LARP7: variants seen among roughly 807,000 people sequenced by gnomAD.
The protein encoded by LARP7 is la-related protein 7.
LARP7 carries 52 observed loss-of-function variants against 69.3 expected under a neutral mutation model. The ratio of observed to expected loss-of-function variants is 0.75; its 90% CI spans 0.60 to 0.95. The LOEUF (loss-of-function observed/expected upper bound fraction) is 0.95. Ranked by LOEUF, LARP7 falls within the 40% of genes least tolerant of loss-of-function variation. The pLI is 0.00. For missense variants in LARP7, 733 were observed against 673.0 expected, an observed-to-expected ratio of 1.09 and a Z score of -0.99; for synonymous variants, 254 against 215.9, an observed-to-expected ratio of 1.18 and a Z score of -1.55.
intron 8 of LARP7, chr4:112,648,566 C>T (rs1280208619): frequency 1.9e-6 from 1 of 518,480 alleles, no homozygotes; most frequent in Non-Finnish European, 4.0e-6. Flanking sequence ...GCCCACCCAA[C>T]ATACAACTTC....
intron 7 of LARP7, 38 bp downstream of exon 7, chr4:112,647,587 A>ATTTTAATTAATTAGT (rs70958470): frequency 0.094 from 133,312 of 1,411,924 alleles, 8,101 homozygotes; most frequent in Middle Eastern, 0.12. Flanking sequence ...AAACTAATTA[A>ATTTTAATTAATTAGT]TTTTAATTAA....
rs144267849 is a variant in LARP7 at position 112,650,566 on chromosome 4, G to C, written c.1400G>C (p.Gly467Ala). The change falls in exon 10 of 13, where the codon GGC becomes GCC. Residue 467 changes from glycine (G) to alanine (A), a missense_variant. Physicochemically the swap from Gly to Ala is moderately conservative, Grantham distance 60. Transcript: ENST00000344442. Reference protein sequence around the residue: ...VKIISTEPLPGRKQVRDTLAA... With the variant: ...VKIISTEPLPARKQVRDTLAA... The stretch of plus-strand genomic sequence containing the variant: ...ATCATTAGCACAGAGCCTCTACCTG[G>C]CAGGAAACAAGTCCGGGTAATGATT... The C allele has an allele frequency of 6.2e-7, 1 of 1,613,268 alleles. No homozygotes were observed. The highest frequency in any genetic ancestry group is 1.3e-5 in the African/African-American group (1 of 74,902).
chr4:112,642,045 A>G (rs551480300), intron 1 of LARP7, among the ~76,000 whole-genome samples: 8 of 152,280 alleles, frequency 5.3e-5, no homozygotes, highest in Admixed American at 4.6e-4. Context: ...TGAGAAACTG[A>G]GATTGCAAAA....
Position 112,652,929 on chromosome 4 carries a change from G to A in LARP7, c.1417-148G>A, listed in dbSNP as rs140237748. ...CTATTTTTAAGAACATGCTTTACAG[G>A]AAATATTTGATACAGGATATTTGCT... On this transcript the variant is annotated intron_variant, in intron 10 of 12. Transcript: ENST00000344442. 1,049 of 445,720 alleles carry A rather than the reference G, an allele frequency of 2.4e-3. 8 individuals are homozygous for A. The highest frequency in any genetic ancestry group is 0.018 in the African/African-American group (906 of 49,248). 27.6% of individuals were successfully genotyped at this position (445,720 alleles called of 1,614,324 possible).
At chr4:112,644,445 TA>T (rs1193059446) in intron 1 of LARP7, 9 of 1,180,180 alleles carry the variant, frequency 7.6e-6, no homozygotes, top group Admixed American at 3.5e-5. Context: ...CCCTGTGTTT[TA>T]AAAGGTACAA....
chr4:112,649,940 CAG>C (rs771696178), intron 9 of LARP7: 171 of 250,748 alleles, frequency 6.8e-4, no homozygotes, highest in African/African-American at 2.6e-3. Flanking sequence ...CACATGAGTG[CAG>C]AGTTTGCAGA....
intron 12 of LARP7, chr4:112,655,432 G>C (rs1425547862): frequency 6.6e-6 from 1 of 152,138 alleles, no homozygotes; most frequent in Non-Finnish European, 1.5e-5. Flanking sequence ...CAGGATTGTC[G>C]TTAACGCAAT....
In LARP7 at chr4:112,654,053, T is replaced by G; in HGVS notation, c.1577-15T>G. The G allele has an allele frequency of 1.3e-6, 2 of 1,590,800 alleles. No individual in the cohort carries two copies. Among genetic ancestry groups the G allele is most frequent in the Non-Finnish European group, 1.7e-6 (2 of 1,160,606 alleles). ...TTCTTCTTTTCATCCATCAGAGTCT[T>G]TGTTTGTTTTTAAGGTGATCACGAA... On this transcript the variant is annotated splice_polypyrimidine_tract_variant and intron_variant, in intron 11 of 12. Transcript: ENST00000344442.
intron 1 of LARP7, among the ~76,000 whole-genome samples, chr4:112,641,219 C>T (rs931486019): frequency 2.0e-5 from 3 of 151,970 alleles, no homozygotes; most frequent in Non-Finnish European, 4.4e-5. Context: ...AACCCCGTCT[C>T]TACTAAAAAT....
At chr4:112,649,320 A>T (rs2048589041) in intron 8 of LARP7, among the ~76,000 whole-genome samples, 1 of 152,198 alleles carries the variant, frequency 6.6e-6, no homozygotes, top group South Asian at 2.1e-4. Flanking sequence ...TGGCAATCTT[A>T]AAACATTTAA....
chr4:112,644,297 G>A (rs1172576329), intron 1 of LARP7: 1 of 286,712 alleles, frequency 3.5e-6, no homozygotes, highest in Non-Finnish European at 6.2e-6. Context: ...GGGCGGGGGG[G>A]TGTTGCGATG....
intron 8 of LARP7, 68 bp from the exon 9 acceptor site, chr4:112,649,467 A>G (rs2048599212): frequency 2.3e-6 from 3 of 1,288,290 alleles, no homozygotes; most frequent in East Asian, 2.6e-5. Flanking sequence ...GTGAATGTAT[A>G]TATTTAGATA....
intron 1 of LARP7, among the ~76,000 whole-genome samples, chr4:112,641,624 T>G (rs1414170612): frequency 2.0e-5 from 3 of 152,202 alleles, no homozygotes; most frequent in Admixed American, 1.3e-4. Context: ...TATTTTAAAG[T>G]TAGAGCTAAC....
intron 4 of LARP7, 53 bp from the exon 5 acceptor site, chr4:112,646,738 T>C: frequency 6.4e-7 from 1 of 1,552,146 alleles, no homozygotes; most frequent in Non-Finnish European, 8.7e-7. Context: ...AGTTAAAAAT[T>C]TATTGACATT....
Position 112,647,341 on chromosome 4 carries a change from T to C in LARP7, c.789T>C (p.Ile263=), listed in dbSNP as rs2048347111. ...RSRPTSEGSD[I]ESTEPQKQCS... ...GACCCACATCTGAGGGCTCTGACAT[T>C]GAGTCCACTGAACCCCAAAAGCAGT... Residue 263 remains isoleucine (I), a synonymous_variant, in exon 7 of 13, where the codon ATT becomes ATC. Coordinates refer to ENST00000344442, the MANE Select transcript of LARP7 (RefSeq NM_016648.4). 1.2e-6 allele frequency: 2 copies of C among 1,614,054 alleles called. No individual in the cohort carries two copies. The highest frequency in any genetic ancestry group is 1.7e-6 in the Non-Finnish European group (2 of 1,180,006).
intron 12 of LARP7, among the ~76,000 whole-genome samples, chr4:112,656,098 C>CTG (rs2048943986): frequency 6.6e-6 from 1 of 152,100 alleles, no homozygotes; most frequent in Non-Finnish European, 1.5e-5. Context: ...TAAAAAAATT[C>CTG]TGGCTCTTAA....
chr4:112,652,154 T>A (rs1286163522), intron 10 of LARP7, among the ~76,000 whole-genome samples: 1 of 152,044 alleles, frequency 6.6e-6, no homozygotes, highest in Non-Finnish European at 1.5e-5. Context: ...TCTTATTCTA[T>A]GATGAAATAA....
Position 112,647,326 on chromosome 4 carries a change from T to A in LARP7, c.774T>A (p.Ser258=), listed in dbSNP as rs763010665. Reference sequence around the variant, plus strand: ...AAATGAAAAGATCCAGACCCACATCTGAGGGCTCTGACATTGAGTCCACTG... The same window carrying A: ...AAATGAAAAGATCCAGACCCACATCAGAGGGCTCTGACATTGAGTCCACTG... The part of the protein sequence containing the change: ...ISKMKRSRPT[S]EGSDIESTEP... Residue 258 remains serine, a synonymous_variant, in exon 7 of 13, where the codon TCT becomes TCA. Coordinates refer to ENST00000344442, the MANE Select transcript of LARP7 (RefSeq NM_016648.4). 2 of 1,614,044 alleles carry A rather than the reference T, an allele frequency of 1.2e-6. No individual in the cohort carries two copies. The highest frequency in any genetic ancestry group is 2.2e-5 in the South Asian group (2 of 91,078).
chr4:112,640,424 G>A (rs1445701555), intron 1 of LARP7, among the ~76,000 whole-genome samples: 4 of 152,266 alleles, frequency 2.6e-5, no homozygotes, highest in Non-Finnish European at 2.9e-5. Context: ...ATTCCAGGCC[G>A]GCCATGGTAG....
Sources: allele counts gnomAD v4.1 joint callset (sites outside exome capture counted in the v4.1 genomes callset), GRCh38; gene constraint gnomAD v4.1.1; transcripts MANE v1.5; gene names NCBI Gene and HGNC (gene_info 2026-07-23, HGNC 2026-07-21).